RYR2: variants seen among roughly 807,000 people sequenced by gnomAD.
RYR2 encodes cardiac muscle ryanodine receptor-calcium release channel.
A neutral mutation model predicts 601.1 loss-of-function variants in RYR2; 227 were observed. That is an observed-to-expected ratio of 0.38 (90% CI 0.34 to 0.42). The LOEUF is 0.42. RYR2 is among the 10% of genes least tolerant of loss of function. RYR2 has a pLI of 1.00. For synonymous variants in RYR2, 2,223 were observed against 2,175.1 expected (o/e 1.02, Z -0.61); for missense variants, 4,646 against 6,156.5 (o/e 0.75, Z 8.21).
intron 78 of RYR2, among the ~76,000 whole-genome samples, chr1:237,733,315 A>C (rs146594465): frequency 2.3e-3 from 348 of 152,302 alleles, no homozygotes; most frequent in African/African-American, 7.9e-3. Context: ...TTGTCATATC[A>C]TAATTTGGGG....
intron 29 of RYR2, 62 bp from the exon 30 acceptor site, chr1:237,589,731 A>G: frequency 2.0e-6 from 3 of 1,510,106 alleles, no homozygotes; most frequent in South Asian, 1.2e-5. Flanking sequence ...ATGTTTGATA[A>G]TTCTATACTA....
intron 2 of RYR2, among the ~76,000 whole-genome samples, chr1:237,279,459 C>G (rs1219586874): frequency 6.6e-6 from 1 of 152,136 alleles, no homozygotes; most frequent in East Asian, 1.9e-4. Context: ...GCCTAGGCAA[C>G]AGAGTGAGAC....
At chr1:237,145,896 A>G (rs1447294779) in intron 1 of RYR2, among the ~76,000 whole-genome samples, 1 of 152,236 alleles carries the variant, frequency 6.6e-6, no homozygotes, top group Admixed American at 6.5e-5. Flanking sequence ...GTCTATTATT[A>G]GTTAAAGTTA....
At chr1:237,504,538 T>G (rs536096259) in intron 22 of RYR2, among the ~76,000 whole-genome samples, 2 of 152,332 alleles carry the variant, frequency 1.3e-5, no homozygotes, top group Non-Finnish European at 2.9e-5. Context: ...GCCATCTGGA[T>G]GTATACATGC....
At chr1:237,687,268 A>G (rs1464346805) in intron 62 of RYR2, among the ~76,000 whole-genome samples, 187 bp from the exon 63 acceptor site, 2 of 148,090 alleles carry the variant, frequency 1.4e-5, no homozygotes, top group African/African-American at 5.0e-5. Flanking sequence ...TAATACCTTT[A>G]CTCCACATTC....
At chr1:237,328,645 G>A (rs745902500) in intron 2 of RYR2, among the ~76,000 whole-genome samples, 1 of 151,854 alleles carries the variant, frequency 6.6e-6, no homozygotes, top group African/African-American at 2.4e-5. Context: ...GAACCAGTGG[G>A]GTTTGTGTGG....
At chr1:237,424,022 A>C (rs1705863529) in intron 12 of RYR2, among the ~76,000 whole-genome samples, 1 of 151,952 alleles carries the variant, frequency 6.6e-6, no homozygotes, top group South Asian at 2.1e-4. Flanking sequence ...AGCGTCAAAC[A>C]CTTAAAAAAA....
At chr1:237,404,698 A>C (rs1393750209) in intron 10 of RYR2, among the ~76,000 whole-genome samples, 1 of 152,210 alleles carries the variant, frequency 6.6e-6, no homozygotes, top group Non-Finnish European at 1.5e-5. Context: ...AGAATGTTGC[A>C]AATGTAATTA....
At chr1:237,083,891 T>C (rs1381232745) in intron 1 of RYR2, among the ~76,000 whole-genome samples, 2 of 152,164 alleles carry the variant, frequency 1.3e-5, no homozygotes, top group African/African-American at 2.4e-5. Flanking sequence ...GAAAATCCAG[T>C]GTGTATGTTA....
At chr1:237,178,053 G>C (rs1320013205) in intron 1 of RYR2, among the ~76,000 whole-genome samples, 1 of 152,078 alleles carries the variant, frequency 6.6e-6, no homozygotes, top group Non-Finnish European at 1.5e-5. Flanking sequence ...ATATTGTCAG[G>C]CATTAATATT....
intron 1 of RYR2, among the ~76,000 whole-genome samples, chr1:237,237,758 A>C (rs1474443518): frequency 6.6e-6 from 1 of 152,112 alleles, no homozygotes; most frequent in Non-Finnish European, 1.5e-5. Context: ...TCTTTTCCGA[A>C]TTGACTAAGG....
intron 1 of RYR2, among the ~76,000 whole-genome samples, chr1:237,044,438 GC>G (rs1228044175): frequency 6.6e-6 from 1 of 152,132 alleles, no homozygotes; most frequent in Non-Finnish European, 1.5e-5. Context: ...GAACGTGCTG[GC>G]TGATGAGGTT....
At chr1:237,369,392 C>G in intron 5 of RYR2, 142 bp from the exon 6 acceptor site, 1 of 726,030 alleles carries the variant, frequency 1.4e-6, no homozygotes, top group Non-Finnish European at 2.5e-6. Context: ...ATTTCAACAG[C>G]ACTTTGCTTG....
At chr1:237,243,293 C>T (rs1259716789) in intron 1 of RYR2, among the ~76,000 whole-genome samples, 1 of 152,222 alleles carries the variant, frequency 6.6e-6, no homozygotes, top group African/African-American at 2.4e-5. Context: ...GGACACCAGT[C>T]TCTAATCCAG....
At chr1:237,417,421 T>TTG (rs1206769431) in intron 11 of RYR2, among the ~76,000 whole-genome samples, 3 of 152,218 alleles carry the variant, frequency 2.0e-5, no homozygotes, top group Non-Finnish European at 4.4e-5. Flanking sequence ...CATGCATCTC[T>TTG]TGGCAGAAAT....
chr1:237,058,678 AGCCAGGGCGG>A lies in RYR2; in HGVS notation c.48+16113_48+16122del, dbSNP rs536278778. The stretch of plus-strand genomic sequence containing the variant: ...ACACCTGTAATCCCAGCACTTTTGG[AGCCAGGGCGG>A]GCCGGATTACTTGAGCCCAGAAGCT... On this transcript the variant is annotated intron_variant, in intron 1 of 104. Coordinates refer to ENST00000366574, the MANE Select transcript of RYR2 (RefSeq NM_001035.3). 8.8e-4 allele frequency among the ~76,000 whole-genome samples: 134 copies of A among 152,092 alleles called. 1 individual carries two copies. Among genetic ancestry groups the A allele is most frequent in the Admixed American group, 7.3e-3 (112 of 15,268 alleles).
At chr1:237,343,724 T>C (rs141293078) in intron 3 of RYR2, among the ~76,000 whole-genome samples, 27 of 152,306 alleles carry the variant, frequency 1.8e-4, no homozygotes, top group African/African-American at 6.5e-4. Context: ...AGGTACAGGC[T>C]CTAAAGCTCC....
At chr1:237,671,886 T>C (rs1684982112) in intron 58 of RYR2, among the ~76,000 whole-genome samples, 1 of 152,182 alleles carries the variant, frequency 6.6e-6, no homozygotes, top group African/African-American at 2.4e-5. Flanking sequence ...TTTTGTACCA[T>C]GGTCATCTGT....
At chr1:237,489,782 T>C (rs1663117727) in intron 17 of RYR2, among the ~76,000 whole-genome samples, 1 of 152,206 alleles carries the variant, frequency 6.6e-6, no homozygotes, top group South Asian at 2.1e-4. Context: ...AGCCTATTAC[T>C]GGGTATATAT....
Sources: gnomAD v4.1 joint callset for allele counts (sites outside exome capture counted in the v4.1 genomes callset) on GRCh38, gnomAD v4.1.1 for gene constraint, MANE v1.5 for transcripts, NCBI Gene and HGNC (gene_info 2026-07-23, HGNC 2026-07-21) for gene names.